The following RAPGEF2 variants were observed in gnomAD, a reference collection of about 807,000 sequenced individuals.
RAPGEF2 encodes Rap guanine nucleotide exchange factor 2.
RAPGEF2 carries 54 observed loss-of-function variants against 186.7 expected under a neutral mutation model. The observed-to-expected ratio is 0.29, with a 90% CI of 0.23 to 0.36. The LOEUF (loss-of-function observed/expected upper bound fraction) is 0.36. Ranked by LOEUF, RAPGEF2 falls within the 10% of genes least tolerant of loss-of-function variation. The pLI is 1.00. For missense variants in RAPGEF2, 1,532 were observed against 2,045.0 expected (o/e 0.75, Z 4.84); for synonymous variants, 712 against 705.9 (o/e 1.01, Z -0.14).
At chr4:159,141,897 G>A in intron 1 of RAPGEF2, among the ~76,000 whole-genome samples, 1 of 152,072 alleles carries the variant, frequency 6.6e-6, no homozygotes, top group East Asian at 1.9e-4. Flanking sequence ...GGAGAGACAG[G>A]CTCAACAAAC....
At chr4:159,251,206 C>T (rs560414513) in intron 7 of RAPGEF2, among the ~76,000 whole-genome samples, 38 of 152,342 alleles carry the variant, frequency 2.5e-4, no homozygotes, top group South Asian at 8.3e-4. Flanking sequence ...CCGCCATGTC[C>T]GAGCCCCCCA....
chr4:159,103,296 G>C lies in RAPGEF2; in HGVS notation c.-867G>C, dbSNP rs1477058524. ...CGCAGACGAGGAACAAAGTTGCCGA[G>C]AGCGACTGGGCCGGAGGGCTGCAGC... On this transcript the variant is annotated 5_prime_UTR_variant, in exon 1 of 30. Coordinates refer to ENST00000691494, the MANE Select transcript of RAPGEF2 (RefSeq NM_001394067.2). 6.6e-6 allele frequency: 1 copy of C among 152,210 alleles called. No individual in the cohort carries two copies. Among genetic ancestry groups the C allele is most frequent in the Non-Finnish European group, 1.5e-5 (1 of 67,886 alleles). The allele number at this position is 152,210 out of a possible 1,614,324, so 9.4% of individuals were successfully genotyped here.
At chr4:159,220,682 G>A (rs1387842018) in intron 4 of RAPGEF2, among the ~76,000 whole-genome samples, 2 of 152,052 alleles carry the variant, frequency 1.3e-5, no homozygotes, top group Non-Finnish European at 2.9e-5. Context: ...AATTTCTTTG[G>A]GAAGTCTACC....
intron 3 of RAPGEF2, among the ~76,000 whole-genome samples, chr4:159,200,431 G>C (rs932363129): frequency 2.6e-5 from 4 of 152,076 alleles, no homozygotes; most frequent in African/African-American, 9.7e-5. Context: ...GTGCACCACC[G>C]CACTCTGGCC....
At chr4:159,226,260 TTGGCA>T (rs1752018752) in intron 4 of RAPGEF2, among the ~76,000 whole-genome samples, 1 of 152,200 alleles carries the variant, frequency 6.6e-6, no homozygotes, top group Non-Finnish European at 1.5e-5. Flanking sequence ...TCAAATTGCC[TTGGCA>T]TGTTTGTTTA....
At chr4:159,153,424 A>T (rs1314761783) in intron 1 of RAPGEF2, among the ~76,000 whole-genome samples, 1 of 152,232 alleles carries the variant, frequency 6.6e-6, no homozygotes, top group African/African-American at 2.4e-5. Flanking sequence ...CCACTGTTAC[A>T]GTTCCTCACT....
In RAPGEF2 at chr4:159,338,431, G is replaced by T; in HGVS notation, c.2256G>T (p.Gln752His). The part of the protein sequence containing the change: ...TLSSSNPDLL[Q>H]SHHRILDFSA... ...CATCCAGTAATCCTGATTTATTGCA[G>T]TCACATCATCGCATTTTAGACTTCA... The change falls in exon 18 of 30, where the codon CAG becomes CAT. Residue 752 changes from glutamine to histidine, a missense_variant. This residue lies in a region of RAPGEF2 where 810 missense variants were observed against 1,210.5 expected (regional missense o/e 0.67). Transcript: ENST00000691494. The T allele has an allele frequency of 6.2e-7, 1 of 1,614,082 alleles. No homozygotes were observed. Among genetic ancestry groups the T allele is most frequent in the Non-Finnish European group, 8.5e-7 (1 of 1,179,940 alleles).
At chr4:159,132,237 T>C (rs1741193171) in intron 1 of RAPGEF2, among the ~76,000 whole-genome samples, 1 of 152,222 alleles carries the variant, frequency 6.6e-6, no homozygotes, top group South Asian at 2.1e-4. Context: ...TCTAACACCA[T>C]TTTATGATCG....
intron 7 of RAPGEF2, among the ~76,000 whole-genome samples, chr4:159,293,540 A>C (rs781536997): frequency 5.9e-5 from 9 of 152,228 alleles, no homozygotes; most frequent in Non-Finnish European, 1.2e-4. Flanking sequence ...ATAGGATGTT[A>C]TCAGTGTCCT....
In RAPGEF2 at chr4:159,238,837, AG is replaced by A; in HGVS notation, c.312del (p.Arg104SerfsTer9). 1 of 1,525,336 alleles carries A rather than the reference AG, an allele frequency of 6.6e-7. No individual in the cohort carries two copies. Among genetic ancestry groups the A allele is most frequent in the Non-Finnish European group, 8.7e-7 (1 of 1,143,734 alleles). The allele number at this position is 1,525,336 out of a possible 1,614,324, so 94.5% of individuals were successfully genotyped here. Reference protein sequence around the residue: ...SFGKRSAGSFRRGCECIVLEP... With the variant: ...SFGKRSAGSFXRGCECIVLEP... ...TGGCAAGCGTTCTGCAGGAAGTTTTAGGCGTGGCTGTGAATGCATTGTTTTA... is the reference window on the plus strand; with the variant it reads ...TGGCAAGCGTTCTGCAGGAAGTTTTAGCGTGGCTGTGAATGCATTGTTTTA... On this transcript the variant is annotated frameshift_variant, in exon 5 of 30. Coordinates refer to ENST00000691494, the MANE Select transcript of RAPGEF2 (RefSeq NM_001394067.2). LOFTEE classifies it high-confidence loss of function.
chr4:159,275,828 G>C (rs546623074), intron 7 of RAPGEF2, among the ~76,000 whole-genome samples: 1 of 151,846 alleles, frequency 6.6e-6, no homozygotes, highest in Non-Finnish European at 1.5e-5. Context: ...CTGAAGAGTT[G>C]TAATTTTTTC....
intron 22 of RAPGEF2, 71 bp downstream of exon 22, chr4:159,343,475 T>A: frequency 6.4e-7 from 1 of 1,564,310 alleles, no homozygotes; most frequent in Non-Finnish European, 8.7e-7. Flanking sequence ...CAATAAATGA[T>A]TTTTTTAAAG....
chr4:159,290,030 A>G (rs960923887), intron 7 of RAPGEF2, among the ~76,000 whole-genome samples: 1 of 152,346 alleles, frequency 6.6e-6, no homozygotes, highest in African/African-American at 2.4e-5. Flanking sequence ...AAAACATTTT[A>G]GGCAGGGGAG....
At chr4:159,107,246 G>C (rs929885184) in intron 1 of RAPGEF2, among the ~76,000 whole-genome samples, 1 of 152,090 alleles carries the variant, frequency 6.6e-6, no homozygotes, top group African/African-American at 2.4e-5. Flanking sequence ...TTAAGTAATT[G>C]CTTTATTTAA....
At chr4:159,203,377 GAGTT>G (rs1749647156) in intron 3 of RAPGEF2, among the ~76,000 whole-genome samples, 1 of 152,142 alleles carries the variant, frequency 6.6e-6, no homozygotes, top group South Asian at 2.1e-4. Context: ...GGGTACTTAA[GAGTT>G]AGAGGAGTTT....
In RAPGEF2 at chr4:159,352,708, A is replaced by G. The variant is rs1399375826; in HGVS notation, c.3889A>G (p.Thr1297Ala). The G allele has an allele frequency of 1.9e-6, 3 of 1,613,858 alleles. No individual in the cohort carries two copies. The highest frequency in any genetic ancestry group is 2.5e-6 in the Non-Finnish European group (3 of 1,179,740). ...AGGCTATACTTTGGCTCCCAGTGGT[A>G]CTGTGGATAATTTTTCAGATTCTGG... Reference protein sequence around the residue: ...RKGYTLAPSGTVDNFSDSGHS... With the variant: ...RKGYTLAPSGAVDNFSDSGHS... Residue 1297 changes from threonine (T) to alanine (A), a missense_variant, in exon 27 of 30, where the codon ACT becomes GCT. Thr to Ala is a moderately conservative substitution (Grantham distance 58). Transcript: ENST00000691494.
intron 7 of RAPGEF2, among the ~76,000 whole-genome samples, chr4:159,292,787 C>T (rs548487028): frequency 1.3e-4 from 20 of 152,098 alleles, no homozygotes; most frequent in Middle Eastern, 3.4e-3. Context: ...AGTAATTTTC[C>T]GGAAACCTTA....
chr4:159,218,405 A>G (rs1751187437), intron 4 of RAPGEF2, among the ~76,000 whole-genome samples: 1 of 152,234 alleles, frequency 6.6e-6, no homozygotes, highest in Admixed American at 6.5e-5. Flanking sequence ...AACTTGTAAT[A>G]GGATTAAATG....
intron 1 of RAPGEF2, among the ~76,000 whole-genome samples, chr4:159,166,446 T>C (rs1745330045): frequency 6.6e-6 from 1 of 152,138 alleles, no homozygotes; most frequent in African/African-American, 2.4e-5. Flanking sequence ...AAATGTACTG[T>C]TTTGCAGATA....
Sources: allele counts gnomAD v4.1 joint callset (sites outside exome capture counted in the v4.1 genomes callset), GRCh38; gene constraint gnomAD v4.1.1; regional missense constraint gnomAD v4.1.1; transcripts MANE v1.5; gene names NCBI Gene and HGNC (gene_info 2026-07-23, HGNC 2026-07-21).